TASP1: variants seen among roughly 807,000 people sequenced by gnomAD.
TASP1 encodes threonine aspartase 1.
In TASP1, 16 loss-of-function variants were observed where a neutral mutation model predicts 56.6. The ratio of observed to expected loss-of-function variants is 0.28; its 90% CI spans 0.19 to 0.43. The LOEUF (loss-of-function observed/expected upper bound fraction) is 0.43. Among genes scored for constraint, TASP1 ranks in the 20% least tolerant of loss-of-function variants. TASP1 has a pLI of 1.00. For missense variants in TASP1, 393 were observed against 511.6 expected, an observed-to-expected ratio of 0.77 and a Z score of 2.24; for synonymous variants, 179 against 184.2, an observed-to-expected ratio of 0.97 and a Z score of 0.23.
chr20:13,274,996 T>C, the TASP1 span, among the ~76,000 whole-genome samples: 1 of 152,186 alleles, frequency 6.6e-6, no homozygotes, highest in African/African-American at 2.4e-5. Context: ...AGTTAGACTT[T>C]GGTATCCTTG....
the TASP1 span, among the ~76,000 whole-genome samples, chr20:13,296,334 G>C: frequency 6.6e-6 from 1 of 152,192 alleles, no homozygotes; most frequent in Non-Finnish European, 1.5e-5. Context: ...TCCCCTGTCA[G>C]TGATGAATGG....
chr20:13,439,048 A>G (rs1437435794), intron 11 of TASP1, among the ~76,000 whole-genome samples: 3 of 152,168 alleles, frequency 2.0e-5, no homozygotes, highest in Non-Finnish European at 4.4e-5. Flanking sequence ...AGACTTTTAC[A>G]CTGTTGGTGG....
chr20:13,634,243 A>G (rs1195965250), intron 1 of TASP1, among the ~76,000 whole-genome samples: 1 of 152,242 alleles, frequency 6.6e-6, no homozygotes, highest in Non-Finnish European at 1.5e-5. Context: ...CTATGTCATT[A>G]AAGAATATTG....
At chr20:13,308,308 C>A in the TASP1 span, among the ~76,000 whole-genome samples, 64 of 152,176 alleles carry the variant, frequency 4.2e-4, no homozygotes, top group African/African-American at 1.4e-3. Flanking sequence ...ACCATGGGAC[C>A]AAATGAGGGT....
chr20:13,440,298 A>T (rs925823304), intron 11 of TASP1, among the ~76,000 whole-genome samples: 1 of 152,208 alleles, frequency 6.6e-6, no homozygotes, highest in African/African-American at 2.4e-5. Flanking sequence ...CCTTGACAGA[A>T]TGAAGAAGGG....
the TASP1 span, among the ~76,000 whole-genome samples, chr20:13,125,165 C>G: frequency 6.6e-6 from 1 of 152,260 alleles, no homozygotes; most frequent in African/African-American, 2.4e-5. Flanking sequence ...AGCTCTGAGG[C>G]CCTCACCACT....
At chr20:13,586,162 G>A (rs1182808757) in intron 5 of TASP1, among the ~76,000 whole-genome samples, 2 of 104,230 alleles carry the variant, frequency 1.9e-5, no homozygotes, top group Non-Finnish European at 3.5e-5. Context: ...GTAACAGAAT[G>A]AGACTCCATC....
At chr20:13,147,986 C>T in the TASP1 span, among the ~76,000 whole-genome samples, 3 of 152,162 alleles carry the variant, frequency 2.0e-5, no homozygotes, top group Non-Finnish European at 4.4e-5. Flanking sequence ...CTCACAAACT[C>T]GTCAACCCCA....
chr20:13,458,071 C>A (rs1433863126), intron 11 of TASP1, among the ~76,000 whole-genome samples: 1 of 152,078 alleles, frequency 6.6e-6, no homozygotes, highest in African/African-American at 2.4e-5. Context: ...TGGTGGTACA[C>A]AAAACCTTAA....
chr20:13,289,847 G>A, the TASP1 span, among the ~76,000 whole-genome samples: 1 of 152,154 alleles, frequency 6.6e-6, no homozygotes, highest in Admixed American at 6.5e-5. Context: ...ATATCTTAGA[G>A]CCTTTCAAGA....
the TASP1 span, among the ~76,000 whole-genome samples, chr20:13,345,159 T>C: frequency 5.3e-5 from 8 of 152,184 alleles, no homozygotes; most frequent in Non-Finnish European, 1.0e-4. Context: ...ACATTGTAGG[T>C]AATGAAGAAA....
intron 11 of TASP1, among the ~76,000 whole-genome samples, chr20:13,440,376 T>C (rs2043171208): frequency 6.6e-6 from 1 of 152,112 alleles, no homozygotes; most frequent in Non-Finnish European, 1.5e-5. Context: ...GATAATGGGA[T>C]TCCAGATGAC....
chr20:13,257,549 C>T, the TASP1 span, among the ~76,000 whole-genome samples: 1 of 152,166 alleles, frequency 6.6e-6, no homozygotes, highest in African/African-American at 2.4e-5. Flanking sequence ...TGTGCCATTT[C>T]ATTCCTAACT....
intron 4 of TASP1, among the ~76,000 whole-genome samples, chr20:13,606,801 C>T (rs6042241): frequency 0.034 from 4,631 of 136,678 alleles, 213 homozygotes; most frequent in African/African-American, 0.1. Context: ...AGCGAGACTC[C>T]GTCTCAAAAA....
chr20:13,568,989 C>A, intron 7 of TASP1, among the ~76,000 whole-genome samples: 1 of 151,980 alleles, frequency 6.6e-6, no homozygotes, highest in East Asian at 1.9e-4. Flanking sequence ...TTATATTGGG[C>A]AATTACTTGT....
At chr20:13,506,613 C>T (rs6033741) in intron 10 of TASP1, among the ~76,000 whole-genome samples, 12 of 151,842 alleles carry the variant, frequency 7.9e-5, no homozygotes, top group Admixed American at 3.9e-4. Flanking sequence ...ATGGGACACA[C>T]CACATTAATA....
chr20:13,401,070 C>T (rs2041720726), intron 13 of TASP1, among the ~76,000 whole-genome samples: 1 of 152,110 alleles, frequency 6.6e-6, no homozygotes, highest in South Asian at 2.1e-4. Flanking sequence ...CAGGCTTCAC[C>T]AAACAGGGCG....
At chr20:13,617,503 T>TA (rs1180667895) in intron 4 of TASP1, among the ~76,000 whole-genome samples, 1 of 152,134 alleles carries the variant, frequency 6.6e-6, no homozygotes, top group Non-Finnish European at 1.5e-5. Context: ...AATGAGCACT[T>TA]ACGTAAATGT....
Position 13,563,223 on chromosome 20 carries a change from C to T in TASP1, c.569-4109G>A, listed in dbSNP as rs1290794369. Among the ~76,000 whole-genome samples, 4 of 151,482 alleles carry T rather than the reference C, an allele frequency of 2.6e-5. No individual in the cohort carries two copies. The East Asian group carries it at 7.8e-4, about 30-fold the overall frequency. On this transcript the variant is annotated intron_variant, in intron 7 of 13. Transcript: ENST00000337743. ...ACAAAGTCCAATAACACAAAACCTACAAGACTGCATCATGAAGAAATAGAA... is the reference window on the plus strand; with the variant it reads ...ACAAAGTCCAATAACACAAAACCTATAAGACTGCATCATGAAGAAATAGAA...
Sources: allele counts gnomAD v4.1 joint callset (sites outside exome capture counted in the v4.1 genomes callset), GRCh38; gene constraint gnomAD v4.1.1; transcripts MANE v1.5; gene names NCBI Gene and HGNC (gene_info 2026-07-23, HGNC 2026-07-21).